The following NRXN1 variants were observed in gnomAD, a reference collection of about 807,000 sequenced individuals.
The protein encoded by NRXN1 is neurexin 1.
In NRXN1, 39 loss-of-function variants were observed where a neutral mutation model predicts 150.9. That is an observed-to-expected ratio of 0.26 (90% CI 0.20 to 0.34). NRXN1 has a LOEUF of 0.34. Among genes scored for constraint, NRXN1 ranks in the 10% least tolerant of loss-of-function variants. The pLI, the probability that NRXN1 is intolerant of heterozygous loss-of-function variation, is 1.00. For missense variants in NRXN1, 1,815 were observed against 1,949.9 expected, an observed-to-expected ratio of 0.93 and a Z score of 1.30; for synonymous variants, 924 against 757.0, an observed-to-expected ratio of 1.22 and a Z score of -3.62.
chr2:50,112,857 T>C (rs1198685110), intron 18 of NRXN1, among the ~76,000 whole-genome samples: 11 of 152,076 alleles, frequency 7.2e-5, no homozygotes, highest in Non-Finnish European at 1.0e-4. Context: ...TCTATTAATA[T>C]ATTAATTATA....
chr2:50,129,702 G>C (rs1047639141), intron 18 of NRXN1, among the ~76,000 whole-genome samples: 2 of 152,102 alleles, frequency 1.3e-5, no homozygotes, highest in Non-Finnish European at 1.5e-5. Context: ...AATCTTTATA[G>C]ATGCCCAGCA....
intron 12 of NRXN1, 47 bp from the exon 13 acceptor site, chr2:50,506,664 A>C: frequency 1.2e-6 from 2 of 1,601,520 alleles, no homozygotes; most frequent in African/African-American, 2.7e-5. Context: ...GAATCAGTCA[A>C]GCAAATGAAC....
intron 19 of NRXN1, among the ~76,000 whole-genome samples, chr2:50,076,284 T>A (rs1357636263): frequency 6.6e-6 from 1 of 152,152 alleles, no homozygotes; most frequent in Non-Finnish European, 1.5e-5. Flanking sequence ...AGAAAATAAA[T>A]TTGTTCCCAG....
At chr2:50,999,866 C>A (rs1381746667) in intron 2 of NRXN1, among the ~76,000 whole-genome samples, 1 of 152,020 alleles carries the variant, frequency 6.6e-6, no homozygotes, top group Non-Finnish European at 1.5e-5. Context: ...TCTGGTCATA[C>A]AAAGGTTACT....
chr2:50,658,133 T>C (rs906765344), intron 5 of NRXN1, among the ~76,000 whole-genome samples: 1 of 152,072 alleles, frequency 6.6e-6, no homozygotes, highest in African/African-American at 2.4e-5. Context: ...TGAAAGTGCT[T>C]GGCTTTAATC....
chr2:50,219,337 C>T (rs2063630934), intron 18 of NRXN1, among the ~76,000 whole-genome samples: 1 of 140,814 alleles, frequency 7.1e-6, no homozygotes, highest in Non-Finnish European at 1.5e-5. Context: ...TATTCCAATA[C>T]AAAACTGTGT....
chr2:50,351,363 G>A (rs909334540), intron 17 of NRXN1, among the ~76,000 whole-genome samples: 21 of 152,178 alleles, frequency 1.4e-4, no homozygotes, highest in Admixed American at 6.5e-5. Flanking sequence ...AGCAGACAGA[G>A]GTGGCTTCTA....
intron 18 of NRXN1, among the ~76,000 whole-genome samples, chr2:50,164,695 C>T (rs1188102599): frequency 6.6e-6 from 1 of 152,114 alleles, no homozygotes; most frequent in African/African-American, 2.4e-5. Flanking sequence ...CAACCCCCAC[C>T]GCCTAATCCT....
At chr2:50,791,466 C>T (rs1002111563) in intron 5 of NRXN1, among the ~76,000 whole-genome samples, 2 of 152,150 alleles carry the variant, frequency 1.3e-5, no homozygotes, top group Admixed American at 1.3e-4. Flanking sequence ...ATCTGCTCAT[C>T]TGGCTTTCAA....
chr2:50,461,737 A>G (rs2088241899), intron 17 of NRXN1, among the ~76,000 whole-genome samples: 1 of 151,994 alleles, frequency 6.6e-6, no homozygotes, highest in Non-Finnish European at 1.5e-5. Context: ...GTTTCCTACA[A>G]TTTCAGAAGA....
At chr2:50,832,838 G>C (rs1050084185) in intron 5 of NRXN1, among the ~76,000 whole-genome samples, 15 of 152,262 alleles carry the variant, frequency 9.9e-5, no homozygotes, top group African/African-American at 3.6e-4. Flanking sequence ...AGAAGATTTA[G>C]AAATGCTAAA....
chr2:50,096,948 G>A (rs1700308754), intron 18 of NRXN1, among the ~76,000 whole-genome samples: 1 of 152,086 alleles, frequency 6.6e-6, no homozygotes, highest in East Asian at 1.9e-4. Context: ...AATATCTTGG[G>A]TATACTTCAA....
At chr2:50,711,528 T>G (rs858935) in intron 5 of NRXN1, among the ~76,000 whole-genome samples, 52,396 of 151,266 alleles carry the variant, frequency 0.35, 9,631 homozygotes, top group East Asian at 0.51. Context: ...TAGAGACAGG[T>G]TTTCATCATA....
chr2:50,234,282 T>A (rs1210555547), intron 18 of NRXN1, among the ~76,000 whole-genome samples: 1 of 152,004 alleles, frequency 6.6e-6, no homozygotes, highest in African/African-American at 2.4e-5. Context: ...TCACCTGAGG[T>A]CAGAAGTTCA....
At chr2:50,160,219 C>T (rs72832073) in intron 18 of NRXN1, among the ~76,000 whole-genome samples, 12 of 151,952 alleles carry the variant, frequency 7.9e-5, no homozygotes, top group Non-Finnish European at 1.6e-4. Context: ...GGTACAACTG[C>T]TAGTATTGAT....
At position 50,901,900 on chromosome 2, in the gene NRXN1, CATGGCG is replaced by C. The variant is rs1683010788; in HGVS notation, c.832+19963_832+19968del. ...TGTTTTCATTTATCATTGCAACACG[CATGGCG>C]AATGGAAGATGGAGACACTAAGGAG... On this transcript the variant is annotated intron_variant, in intron 5 of 22. Transcript: ENST00000401669. Among the ~76,000 whole-genome samples the C allele has an allele frequency of 2.0e-5, 3 of 152,172 alleles. No individual in the cohort carries two copies. The South Asian group carries it at 6.2e-4, about 32-fold the overall frequency.
intron 5 of NRXN1, among the ~76,000 whole-genome samples, chr2:50,703,518 T>C (rs1280379768): frequency 6.6e-6 from 1 of 152,140 alleles, no homozygotes; most frequent in Non-Finnish European, 1.5e-5. Context: ...TCATATGTTA[T>C]AGTCCATTTG....
intron 21 of NRXN1, among the ~76,000 whole-genome samples, chr2:49,963,361 T>C (rs867061440): frequency 6.6e-6 from 1 of 152,082 alleles, no homozygotes; most frequent in Non-Finnish European, 1.5e-5. Flanking sequence ...AGAGTTCTGG[T>C]GTAGGCAAAG....
chr2:50,260,901 T>C (rs1441598917), intron 17 of NRXN1, among the ~76,000 whole-genome samples: 1 of 151,666 alleles, frequency 6.6e-6, no homozygotes, highest in Non-Finnish European at 1.5e-5. Flanking sequence ...TCCTCCAAAG[T>C]ACAGATTCAA....
Sources: gnomAD v4.1 joint callset for allele counts (sites outside exome capture counted in the v4.1 genomes callset) on GRCh38, gnomAD v4.1.1 for gene constraint, MANE v1.5 for transcripts, NCBI Gene and HGNC (gene_info 2026-07-23, HGNC 2026-07-21) for gene names.